QSER1: variants seen among roughly 807,000 people sequenced by gnomAD.
QSER1 encodes glutamine and serine rich 1.
QSER1 carries 49 observed loss-of-function variants against 158.5 expected under a neutral mutation model. That is an observed-to-expected ratio of 0.31 (90% confidence interval 0.25 to 0.39). QSER1 has a LOEUF of 0.39. Among genes scored for constraint, QSER1 ranks in the 10% least tolerant of loss-of-function variants. The pLI is 1.00. For missense variants in QSER1, 1,754 were observed against 2,010.3 expected (o/e 0.87, Z 2.44); for synonymous variants, 650 against 715.5 (o/e 0.91, Z 1.46).
At chr11:32,975,418 T>C in intron 12 of QSER1, 75 bp downstream of exon 12, 1 of 1,582,984 alleles carries the variant, frequency 6.3e-7, no homozygotes, top group Non-Finnish European at 8.6e-7. Context: ...TATTTTGGAG[T>C]GTTTTAAAGA....
At chr11:32,963,335 T>A (rs947184986) in intron 8 of QSER1, among the ~76,000 whole-genome samples, 3 of 151,958 alleles carry the variant, frequency 2.0e-5, no homozygotes, top group Admixed American at 2.0e-4. Context: ...AGAGACAAGG[T>A]TTTTCCATGT....
At chr11:32,969,192 C>T in intron 10 of QSER1, 49 bp downstream of exon 10, 1 of 1,049,318 alleles carries the variant, frequency 9.5e-7, no homozygotes, top group Non-Finnish European at 1.4e-6. Context: ...CAGTCATAGT[C>T]TTAAGTATAA....
Position 32,892,876 on chromosome 11 carries a change from C to G in QSER1, c.-250C>G, listed in dbSNP as rs1305587617. On this transcript the variant is annotated 5_prime_UTR_variant, in exon 1 of 13. Coordinates refer to ENST00000650167, the MANE Select transcript of QSER1 (RefSeq NM_001076786.3). ...CCGCCGCCGCCGTCGCCGCGAGTCCCGGCCGCGGGTGCCTCCGCTTCCCTG... is the reference window on the plus strand; with the variant it reads ...CCGCCGCCGCCGTCGCCGCGAGTCCGGGCCGCGGGTGCCTCCGCTTCCCTG... Among the ~76,000 whole-genome samples the G allele has an allele frequency of 1.4e-5, 2 of 146,118 alleles. No homozygotes were observed. Among genetic ancestry groups the G allele is most frequent in the South Asian group, 2.1e-4 (1 of 4,658 alleles).
chr11:32,943,504 G>C lies in QSER1; in HGVS notation c.4177+8069G>C, dbSNP rs769831893. Among the ~76,000 whole-genome samples the C allele has an allele frequency of 9.3e-5, 14 of 151,054 alleles. No homozygotes were observed. In the East Asian group the frequency reaches 2.1e-3, roughly 23 times the overall value. On this transcript the variant is annotated intron_variant, in intron 4 of 12. Coordinates refer to ENST00000650167, the MANE Select transcript of QSER1 (RefSeq NM_001076786.3). ...CTATTGAGATAATCATGTGGTTTTT[G>C]TCTTTGGCTCTGTTTATATGCTGGA... is the stretch of plus-strand genomic sequence containing the variant.
At position 32,934,839 on chromosome 11, in the gene QSER1, A is replaced by T. The variant is rs1045270589; in HGVS notation, c.3581A>T (p.Asp1194Val). Residue 1194 changes from aspartate to valine, a missense_variant, in exon 4 of 13, where the codon GAT becomes GTT. Around this residue, in one of 2 missense-constraint regions of QSER1, gnomAD observed 1,707 missense variants for 1,919.6 expected, o/e 0.89. Coordinates refer to ENST00000650167, the MANE Select transcript of QSER1 (RefSeq NM_001076786.3). ...GTCAAGATTGAAGAAGAAAACCAAG[A>T]TTTAATGCATTTTAACCTTCAAAAG... ...VSVKIEEENQ[D>V]LMHFNLQKKR... 1 of 1,614,056 alleles carries T rather than the reference A, an allele frequency of 6.2e-7. No homozygotes were observed.
chr11:32,932,815 GA>G lies in QSER1; in HGVS notation c.1558del (p.Thr520ArgfsTer30). On this transcript the variant is annotated frameshift_variant, in exon 4 of 13. Coordinates refer to ENST00000650167, the MANE Select transcript of QSER1 (RefSeq NM_001076786.3). LOFTEE classifies it high-confidence loss of function. ...SSQTVTPENQ[T>X]LNYSSNQQEV... ...CTCAGACTGTAACTCCTGAAAATCA[GA>G]CGCTTAATTATTCATCTAATCAGCA... The G allele has an allele frequency of 6.2e-7, 1 of 1,613,940 alleles. No individual in the cohort carries two copies.
In QSER1 at chr11:32,935,329, A is replaced by C; in HGVS notation, c.4071A>C (p.Ser1357=). 1 of 1,613,560 alleles carries C rather than the reference A, an allele frequency of 6.2e-7. No homozygotes were observed. The change falls in exon 4 of 13, where the codon TCA becomes TCC. Residue 1357 remains serine (S), a synonymous_variant. Transcript: ENST00000650167. The part of the protein sequence containing the change: ...NELKNLEHLS[S]FSSDEDDPGY... The stretch of plus-strand genomic sequence containing the variant: ...TTAAAAACTTGGAACATTTATCTTC[A>C]TTTTCTTCTGATGAAGATGATCCTG...
chr11:32,925,542 T>TTTATTTA (rs1564931506), intron 1 of QSER1, among the ~76,000 whole-genome samples: 1 of 116,652 alleles, frequency 8.6e-6, no homozygotes, highest in Non-Finnish European at 2.0e-5. Context: ...TTATTTATTT[T>TTTATTTA]TTGCAGACAG....
At chr11:32,975,177 G>A (rs1852950470) in intron 11 of QSER1, 71 bp from the exon 12 acceptor site, 7 of 1,087,006 alleles carry the variant, frequency 6.4e-6, no homozygotes, top group Non-Finnish European at 9.1e-6. Context: ...TTTTGATCTA[G>A]TATTTTCCTC....
intron 3 of QSER1, among the ~76,000 whole-genome samples, chr11:32,928,433 ATTTAT>A (rs562926502): frequency 3.7e-4 from 57 of 152,308 alleles, no homozygotes; most frequent in Admixed American, 9.2e-4. Context: ...AAAGATTAAA[ATTTAT>A]TTTAGTGACT....
rs1590701076 is a variant in QSER1 at position 32,893,994 on chromosome 11, C to T, written c.209+660C>T. Among the ~76,000 whole-genome samples, 2 of 152,104 alleles carry T rather than the reference C, an allele frequency of 1.3e-5. No homozygotes were observed. Among genetic ancestry groups the T allele is most frequent in the South Asian group, 4.1e-4 (2 of 4,832 alleles). On this transcript the variant is annotated intron_variant, in intron 1 of 12. Coordinates refer to ENST00000650167, the MANE Select transcript of QSER1 (RefSeq NM_001076786.3). This position sits in a 1 kb window ranked among gnomAD's most constrained non-coding sequence, Gnocchi z 4.7. ...TTCAAAGTTGCTCTTAGGTTTCCTC[C>T]CCTTTTAACAACAGCAGGAAGTAAG...
intron 4 of QSER1, among the ~76,000 whole-genome samples, chr11:32,949,648 T>C (rs1222132547): frequency 6.6e-6 from 1 of 152,162 alleles, no homozygotes; most frequent in East Asian, 1.9e-4. Flanking sequence ...TACATACATA[T>C]TTTTGTGACA....
At chr11:32,903,111 C>T (rs183567862) in intron 1 of QSER1, among the ~76,000 whole-genome samples, 184 of 152,240 alleles carry the variant, frequency 1.2e-3, no homozygotes, top group Non-Finnish European at 1.7e-3. Context: ...TGGGATTTAA[C>T]ATTTATGCTG....
In QSER1 at chr11:32,933,846, A is replaced by G. The variant is rs377106160; in HGVS notation, c.2588A>G (p.Gln863Arg). Residue 863 changes from glutamine to arginine, a missense_variant, in exon 4 of 13, where the codon CAA becomes CGA. Physicochemically the swap from Gln to Arg is conservative, Grantham distance 43. Around this residue, in one of 2 missense-constraint regions of QSER1, gnomAD observed 1,707 missense variants for 1,919.6 expected, o/e 0.89. Transcript: ENST00000650167. ...QVLLDSACDLQILQQSILQAG... is the reference protein window; with the variant it reads ...QVLLDSACDLRILQQSILQAG... The stretch of plus-strand genomic sequence containing the variant: ...CTTTTAGATTCTGCCTGTGATTTAC[A>G]AATTCTTCAGCAGTCAATACTGCAG... 72 of 1,613,382 alleles carry G rather than the reference A, an allele frequency of 4.5e-5. No homozygotes were observed. Among genetic ancestry groups the G allele is most frequent in the Non-Finnish European group, 6.0e-5 (71 of 1,179,788 alleles).
chr11:32,920,361 T>C (rs1564930062), intron 1 of QSER1, among the ~76,000 whole-genome samples: 1 of 152,138 alleles, frequency 6.6e-6, no homozygotes, highest in Non-Finnish European at 1.5e-5. Flanking sequence ...TCACACCATA[T>C]AAAATAATTA....
Position 32,931,839 on chromosome 11 carries a change from C to T in QSER1, c.581C>T (p.Thr194Ile). The change falls in exon 4 of 13, where the codon ACC becomes ATC. Residue 194 changes from threonine (T) to isoleucine (I), a missense_variant. Around this residue, in one of 2 missense-constraint regions of QSER1, gnomAD observed 1,707 missense variants for 1,919.6 expected, o/e 0.89. Coordinates refer to ENST00000650167, the MANE Select transcript of QSER1 (RefSeq NM_001076786.3). ...TCTCTCTCTGCTTATCAGCATCCCA[C>T]CACCTTCAGCAATAGAAACTTTGCT... ...PPSLSAYQHP[T>I]TFSNRNFATT... is the part of the protein sequence containing the mutation. 1 of 1,614,198 alleles carries T rather than the reference C, an allele frequency of 6.2e-7. No individual in the cohort carries two copies. The highest frequency in any genetic ancestry group is 8.5e-7 in the Non-Finnish European group (1 of 1,180,028).
chr11:32,941,622 A>C (rs981351993), intron 4 of QSER1, among the ~76,000 whole-genome samples: 24 of 152,068 alleles, frequency 1.6e-4, no homozygotes, highest in Non-Finnish European at 3.2e-4. Flanking sequence ...TTCTTAATCC[A>C]GTCTATCATT....
At chr11:32,970,053 AATG>A (rs1852824132) in intron 10 of QSER1, among the ~76,000 whole-genome samples, 1 of 152,204 alleles carries the variant, frequency 6.6e-6, no homozygotes, top group African/African-American at 2.4e-5. Flanking sequence ...AGAATCACAG[AATG>A]ATTACTCCGT....
intron 4 of QSER1, among the ~76,000 whole-genome samples, chr11:32,947,185 G>A (rs1276770563): frequency 4.6e-5 from 7 of 152,186 alleles, no homozygotes; most frequent in African/African-American, 9.7e-5. Flanking sequence ...GAAATCACCC[G>A]TCTTCTGCGT....
Sources: allele counts gnomAD v4.1 joint callset (sites outside exome capture counted in the v4.1 genomes callset), GRCh38; gene constraint gnomAD v4.1.1; regional missense constraint gnomAD v4.1.1; non-coding constraint Gnocchi (gnomAD v3.1); transcripts MANE v1.5; gene names NCBI Gene and HGNC (gene_info 2026-07-23, HGNC 2026-07-21).